The following ACCSL variants were observed in gnomAD, a reference collection of about 807,000 sequenced individuals.
ACCSL encodes the protein probable inactive 1-aminocyclopropane-1-carboxylate synthase-like protein 2.
A neutral mutation model predicts 61.7 loss-of-function variants in ACCSL; 55 were observed. The observed-to-expected ratio is 0.89, with a 90% confidence interval of 0.72 to 1.12. The LOEUF (loss-of-function observed/expected upper bound fraction) is 1.12. ACCSL is among the 50% of genes most tolerant of loss of function. ACCSL has a pLI of 0.00. For synonymous variants in ACCSL, 258 were observed against 264.3 expected (o/e 0.98, Z 0.23); for missense variants, 632 against 698.0 (o/e 0.91, Z 1.07).
the ACCSL span, among the ~76,000 whole-genome samples, chr11:43,924,439 G>C: frequency 6.6e-6 from 1 of 152,234 alleles, no homozygotes; most frequent in Non-Finnish European, 1.5e-5. Context: ...GCCAGGTAGT[G>C]GGAGGAGGCG....
Position 44,058,337 on chromosome 11 carries a change from C to G in ACCSL, c.1348C>G (p.Leu450Val), listed in dbSNP as rs140236672. Residue 450 changes from leucine (L) to valine (V), a missense_variant, in exon 12 of 14, where the codon CTA (leucine) becomes GTA (valine). Physicochemically the swap from Leu to Val is conservative, Grantham distance 32. Coordinates refer to ENST00000378832, the MANE Select transcript of ACCSL (RefSeq NM_001031854.2). ...TCCAGAATGGATTGACAAAGTATAC[C>G]TACCCACCAATTGCTACCGGCTCCG... ...QNTEWIDKVY[L>V]PTNCYRLREA... 6.2e-7 allele frequency: 1 copy of G among 1,614,144 alleles called. No individual in the cohort carries two copies. The highest frequency in any genetic ancestry group is 1.7e-5 in the Admixed American group (1 of 60,024).
chr11:43,938,542 G>A, the ACCSL span, among the ~76,000 whole-genome samples: 1 of 152,140 alleles, frequency 6.6e-6, no homozygotes, highest in Non-Finnish European at 1.5e-5. Context: ...AGTGACTCAC[G>A]CCTGTAATCC....
chr11:43,941,700 A>G, the ACCSL span, among the ~76,000 whole-genome samples: 3 of 152,206 alleles, frequency 2.0e-5, no homozygotes, highest in Non-Finnish European at 2.9e-5. Flanking sequence ...TGTTTCCATC[A>G]GATACTAGTG....
the ACCSL span, among the ~76,000 whole-genome samples, chr11:44,016,995 A>G: frequency 2.0e-5 from 3 of 152,192 alleles, no homozygotes; most frequent in Admixed American, 1.3e-4. Context: ...AGATCTGCCA[A>G]TGAGCAAGTA....
the ACCSL span, among the ~76,000 whole-genome samples, chr11:44,014,407 C>T: frequency 6.6e-6 from 1 of 151,766 alleles, no homozygotes; most frequent in Non-Finnish European, 1.5e-5. Flanking sequence ...GCCATGTGGG[C>T]CATAGGCTGC....
chr11:43,991,700 A>G, the ACCSL span, among the ~76,000 whole-genome samples: 1 of 152,202 alleles, frequency 6.6e-6, no homozygotes, highest in African/African-American at 2.4e-5. Flanking sequence ...AGGCTGAGGC[A>G]GGAGAATTTC....
chr11:44,057,703 TAAC>T (rs35545705), intron 11 of ACCSL, among the ~76,000 whole-genome samples: 33,026 of 152,016 alleles, frequency 0.22, 4,073 homozygotes, highest in South Asian at 0.3. Context: ...CTTGCCCAGT[TAAC>T]AACAACAGCA....
At chr11:43,962,524 G>A in the ACCSL span, among the ~76,000 whole-genome samples, 1 of 152,364 alleles carries the variant, frequency 6.6e-6, no homozygotes, top group South Asian at 2.1e-4. Context: ...ACAGACAGCT[G>A]TGGCTCCGAG....
the ACCSL span, among the ~76,000 whole-genome samples, chr11:43,975,652 A>G: frequency 6.6e-6 from 1 of 152,230 alleles, no homozygotes. Flanking sequence ...AGATCCAGAC[A>G]GCTTTTAAGA....
rs778881267 is a variant in ACCSL at position 44,058,431 on chromosome 11, G to A, written c.1442G>A (p.Gly481Asp). The A allele has an allele frequency of 1.4e-5, 23 of 1,614,166 alleles. No homozygotes were observed. The Admixed American group carries it at 3.5e-4, about 25-fold the overall frequency. Residue 481 changes from glycine (G) to aspartate (D), a missense_variant, in exon 12 of 14, where the codon GGC becomes GAC. By Grantham distance (94) the Gly-to-Asp change is moderately conservative (BLOSUM62 -1). Transcript: ENST00000378832. ...ATCCCTTTTCACAACCGCAGCTCTG[G>A]CCTCTATGTCTGGATCAACTTGAAA... ...LEIPFHNRSS[G>D]LYVWINLKKY...
the ACCSL span, among the ~76,000 whole-genome samples, chr11:44,041,434 T>A: frequency 6.6e-6 from 1 of 152,232 alleles, no homozygotes; most frequent in Non-Finnish European, 1.5e-5. Flanking sequence ...ACCCTTTTGT[T>A]GAGGTTTTCC....
At chr11:43,986,103 G>C in the ACCSL span, among the ~76,000 whole-genome samples, 1 of 151,982 alleles carries the variant, frequency 6.6e-6, no homozygotes, top group Non-Finnish European at 1.5e-5. Flanking sequence ...AGCCAGAGAC[G>C]TGGGTGCCAT....
the ACCSL span, among the ~76,000 whole-genome samples, chr11:44,029,380 C>G: frequency 6.6e-6 from 1 of 152,258 alleles, no homozygotes; most frequent in Non-Finnish European, 1.5e-5. Context: ...ATGGCTCACC[C>G]TTTGCTGCCT....
the ACCSL span, among the ~76,000 whole-genome samples, chr11:43,999,286 A>C: frequency 1.3e-5 from 2 of 152,188 alleles, no homozygotes; most frequent in African/African-American, 4.8e-5. Context: ...ACAAATTACC[A>C]CAAATTTCCA....
At position 44,059,702 on chromosome 11, in the gene ACCSL, C is replaced by T. The variant is rs187794605; in HGVS notation, c.1625-136C>T. ...CAACATGTAGACTTGGAAATCCATC[C>T]CAAAGGTGGGAGGGCTGAAGTTCAG... On this transcript the variant is annotated intron_variant, in intron 13 of 13. Coordinates refer to ENST00000378832, the MANE Select transcript of ACCSL (RefSeq NM_001031854.2). 2.7e-5 allele frequency: 17 copies of T among 625,422 alleles called. No homozygotes were observed. In the East Asian group the frequency reaches 4.8e-4, roughly 18 times the overall value. The allele number at this position is 625,422 out of a possible 1,614,324, so 38.7% of individuals were successfully genotyped here. A position where few individuals can be genotyped will look rare whatever the true frequency, so the allele number is the denominator to read the frequency against.
At chr11:43,924,933 G>A in the ACCSL span, 1 of 158,762 alleles carries the variant, frequency 6.3e-6, no homozygotes, top group Non-Finnish European at 1.4e-5. Context: ...CCCCACAGAA[G>A]TGTCTCCTTC....
At chr11:44,001,556 C>T in the ACCSL span, among the ~76,000 whole-genome samples, 3 of 151,754 alleles carry the variant, frequency 2.0e-5, no homozygotes, top group South Asian at 2.1e-4. Context: ...GCTGGCTTGT[C>T]GGGGGCAGAG....
the ACCSL span, chr11:44,001,235 A>C: frequency 2.6e-5 from 4 of 152,048 alleles, no homozygotes; most frequent in African/African-American, 9.7e-5. Context: ...AACAATTTTT[A>C]CCAGCGGAAA....
chr11:43,934,636 G>A, the ACCSL span, among the ~76,000 whole-genome samples: 1 of 152,192 alleles, frequency 6.6e-6, no homozygotes, highest in East Asian at 1.9e-4. Flanking sequence ...TGAGGCGGGG[G>A]ATGGCCAGTT....
Sources: allele counts gnomAD v4.1 joint callset (sites outside exome capture counted in the v4.1 genomes callset), GRCh38; gene constraint gnomAD v4.1.1; transcripts MANE v1.5; gene names NCBI Gene and HGNC (gene_info 2026-07-23, HGNC 2026-07-21).